TEX9: variants seen among roughly 807,000 people sequenced by gnomAD.
The protein encoded by TEX9 is testis expressed 9.
A neutral mutation model predicts 59.6 loss-of-function variants in TEX9; 74 were observed. The observed-to-expected ratio is 1.24, with a 90% CI of 1.03 to 1.51. TEX9 has a LOEUF of 1.51. Among genes scored for constraint, TEX9 ranks in the 40% most tolerant of loss-of-function variants. TEX9 has a pLI of 0.00. For synonymous variants in TEX9, 186 were observed against 152.2 expected (o/e 1.22, Z -1.64); for missense variants, 522 against 447.8 (o/e 1.17, Z -1.49).
chr15:56,283,416 C>A (rs543707540), intron 1 of TEX9, among the ~76,000 whole-genome samples: 2 of 151,846 alleles, frequency 1.3e-5, no homozygotes, highest in East Asian at 3.9e-4. Context: ...GTTACAAATA[C>A]CTTTTATACC....
intron 10 of TEX9, among the ~76,000 whole-genome samples, chr15:56,418,054 TTGAGCCTA>T (rs1278467644): frequency 6.6e-6 from 1 of 151,952 alleles, no homozygotes; most frequent in Non-Finnish European, 1.5e-5. Context: ...TCCCTTTATT[TTGAGCCTA>T]TGAGAGTCAT....
intron 1 of TEX9, among the ~76,000 whole-genome samples, chr15:56,303,303 T>G (rs1324479351): frequency 6.6e-6 from 1 of 152,210 alleles, no homozygotes; most frequent in Admixed American, 6.5e-5. Flanking sequence ...GACCATATGT[T>G]AGGCCACAAA....
intron 3 of TEX9, chr15:56,374,093 A>G (rs1267471716): frequency 2.0e-5 from 3 of 151,680 alleles, no homozygotes; most frequent in Non-Finnish European, 1.5e-5. Flanking sequence ...ATTTATACTT[A>G]TATGTTTTAC....
chr15:56,401,001 C>A (rs1045183716), intron 9 of TEX9, among the ~76,000 whole-genome samples: 2 of 152,032 alleles, frequency 1.3e-5, no homozygotes, highest in Non-Finnish European at 2.9e-5. Flanking sequence ...TGGAAAGAAA[C>A]AACTGGTACC....
At chr15:56,245,433 T>C (rs2043827683) in intron 1 of TEX9, among the ~76,000 whole-genome samples, 1 of 152,202 alleles carries the variant, frequency 6.6e-6, no homozygotes, top group Admixed American at 6.5e-5. Context: ...ATGAGCCCCC[T>C]TTTCCATACT....
intron 1 of TEX9, among the ~76,000 whole-genome samples, chr15:56,321,198 C>A: frequency 6.6e-6 from 1 of 152,114 alleles, no homozygotes; most frequent in East Asian, 1.9e-4. Context: ...TACAATAAGG[C>A]CACAGTAACT....
At chr15:56,350,944 C>T (rs1430059970) in intron 1 of TEX9, among the ~76,000 whole-genome samples, 1 of 152,122 alleles carries the variant, frequency 6.6e-6, no homozygotes, top group Non-Finnish European at 1.5e-5. Context: ...GTTGGTAAGG[C>T]AATGGAGTAG....
At chr15:56,284,727 T>G (rs1203053890) in intron 1 of TEX9, among the ~76,000 whole-genome samples, 3 of 152,212 alleles carry the variant, frequency 2.0e-5, no homozygotes, top group Admixed American at 6.5e-5. Flanking sequence ...CTATTTCACT[T>G]TCTAAATATA....
intron 1 of TEX9, among the ~76,000 whole-genome samples, chr15:56,246,824 G>A (rs1401715235): frequency 6.6e-6 from 1 of 152,162 alleles, no homozygotes; most frequent in Non-Finnish European, 1.5e-5. Context: ...GAAAAACCTG[G>A]CCTTGGAGTC....
chr15:56,365,797 A>T, intron 2 of TEX9, 127 bp downstream of exon 2: 1 of 1,468,580 alleles, frequency 6.8e-7, no homozygotes, highest in Non-Finnish European at 9.0e-7. Context: ...CCTTCTCGTC[A>T]TCTCGTTCAC....
At chr15:56,361,927 G>A (rs12905782), upstream of TEX9, among the ~76,000 whole-genome samples, 1 of 147,196 alleles carries the variant, frequency 6.8e-6, no homozygotes, top group Non-Finnish European at 1.5e-5. Context: ...GATACTTCTA[G>A]CCTGGTTTTG....
chr15:56,396,389 T>C (rs1394968076), intron 9 of TEX9: 1 of 152,102 alleles, frequency 6.6e-6, no homozygotes, highest in Non-Finnish European at 1.5e-5. Flanking sequence ...AATATAACTA[T>C]CACTATAATT....
intron 1 of TEX9, among the ~76,000 whole-genome samples, chr15:56,317,211 C>G (rs1396912298): frequency 6.6e-6 from 1 of 152,244 alleles, no homozygotes; most frequent in Non-Finnish European, 1.5e-5. Context: ...ATTATGGATT[C>G]AATATCTTGT....
chr15:56,430,872 T>G (rs1309928517), intron 12 of TEX9, among the ~76,000 whole-genome samples: 4 of 152,106 alleles, frequency 2.6e-5, no homozygotes, highest in African/African-American at 9.7e-5. Flanking sequence ...GAAAAGAAAC[T>G]CTAAAATACA....
At chr15:56,253,834 T>TA (rs372352417) in intron 1 of TEX9, among the ~76,000 whole-genome samples, 20 of 150,878 alleles carry the variant, frequency 1.3e-4, no homozygotes, top group African/African-American at 2.9e-4. Flanking sequence ...GAAAGAACAT[T>TA]AAAAAAAAAT....
chr15:56,273,421 C>T (rs2044595895), intron 1 of TEX9, among the ~76,000 whole-genome samples: 1 of 152,184 alleles, frequency 6.6e-6, no homozygotes, highest in South Asian at 2.1e-4. Flanking sequence ...ACAGTACACT[C>T]CAATTCCTCC....
intron 7 of TEX9, 42 bp downstream of exon 7, chr15:56,391,460 G>C: frequency 7.8e-7 from 1 of 1,286,974 alleles, no homozygotes; most frequent in South Asian, 2.1e-5. Flanking sequence ...TTATAGCACA[G>C]TTACTTAGAA....
At chr15:56,300,704 A>AGGGG (rs1263075821) in intron 1 of TEX9, among the ~76,000 whole-genome samples, 1 of 105,808 alleles carries the variant, frequency 9.5e-6, no homozygotes, top group Non-Finnish European at 2.0e-5. Context: ...AGAGAGAGAG[A>AGGGG]GAGGGAGAGA....
At chr15:56,332,223 A>T (rs1167161945) in intron 1 of TEX9, among the ~76,000 whole-genome samples, 1 of 147,848 alleles carries the variant, frequency 6.8e-6, no homozygotes, top group Admixed American at 6.8e-5. Flanking sequence ...ACCAACCCAA[A>T]TGTCCAACAA....
Sources: allele counts gnomAD v4.1 joint callset (sites outside exome capture counted in the v4.1 genomes callset), GRCh38; gene constraint gnomAD v4.1.1; transcripts MANE v1.5; gene names NCBI Gene and HGNC (gene_info 2026-07-23, HGNC 2026-07-21).